Variants in BMPR2 observed in about 807,000 individuals in gnomAD.
BMPR2 encodes the protein bone morphogenetic protein receptor type 2.
A neutral mutation model predicts 100.8 loss-of-function variants in BMPR2; 29 were observed. That is an observed-to-expected ratio of 0.29 (90% CI 0.21 to 0.39). The LOEUF is 0.39. Among genes scored for constraint, BMPR2 ranks in the 10% least tolerant of loss-of-function variants. The pLI, the probability that BMPR2 is intolerant of heterozygous loss-of-function variation, is 1.00. For synonymous variants in BMPR2, 382 were observed against 442.3 expected (o/e 0.86, Z 1.71); for missense variants, 1,011 against 1,274.5 (o/e 0.79, Z 3.15).
At chr2:202,428,371 T>G (rs560621673) in intron 1 of BMPR2, among the ~76,000 whole-genome samples, 68 of 151,484 alleles carry the variant, frequency 4.5e-4, no homozygotes, top group African/African-American at 1.6e-3. Flanking sequence ...AGTCTGTCTC[T>G]CTCCTTCTGT....
intron 1 of BMPR2, among the ~76,000 whole-genome samples, chr2:202,404,027 A>C (rs1690827659): frequency 6.6e-6 from 1 of 151,292 alleles, no homozygotes; most frequent in Admixed American, 6.6e-5. Context: ...AAAAAGTGAG[A>C]TATTAAGGGC....
chr2:202,481,400 G>T (rs527964463), intron 3 of BMPR2, among the ~76,000 whole-genome samples: 33 of 152,214 alleles, frequency 2.2e-4, no homozygotes, highest in African/African-American at 7.7e-4. Flanking sequence ...GGCTGGTCTC[G>T]AACTCCTGAC....
chr2:202,444,465 A>G (rs1276863894), intron 1 of BMPR2, among the ~76,000 whole-genome samples: 1 of 150,870 alleles, frequency 6.6e-6, no homozygotes, highest in Admixed American at 6.6e-5. Flanking sequence ...TTCTAAAAAA[A>G]TAACAAAACC....
At chr2:202,403,576 G>A (rs1194039061) in intron 1 of BMPR2, among the ~76,000 whole-genome samples, 2 of 152,028 alleles carry the variant, frequency 1.3e-5, no homozygotes, top group Admixed American at 6.6e-5. Context: ...GAAAGTTAAC[G>A]TTTGACTCAT....
intron 10 of BMPR2, among the ~76,000 whole-genome samples, chr2:202,545,201 CTCCCGT>C (rs1165266260): frequency 3.0e-3 from 5 of 1,676 alleles, no homozygotes; most frequent in Non-Finnish European, 7.4e-3. Flanking sequence ...GTTTTTCTTC[CTCCCGT>C]CCCCCTCCCC....
At chr2:202,459,096 CTTCTT>C (rs991842497) in intron 1 of BMPR2, among the ~76,000 whole-genome samples, 72 of 152,208 alleles carry the variant, frequency 4.7e-4, no homozygotes, top group African/African-American at 1.7e-3. Context: ...AGTGCACTCT[CTTCTT>C]TTCTAAGGTT....
At chr2:202,486,220 A>T (rs556459106) in intron 3 of BMPR2, among the ~76,000 whole-genome samples, 124 of 152,364 alleles carry the variant, frequency 8.1e-4, no homozygotes, top group African/African-American at 2.8e-3. Flanking sequence ...AATGGAAGGC[A>T]TAATGTCATA....
At chr2:202,425,171 C>G (rs564489445) in intron 1 of BMPR2, among the ~76,000 whole-genome samples, 72 of 152,216 alleles carry the variant, frequency 4.7e-4, no homozygotes, top group Non-Finnish European at 8.5e-4. Flanking sequence ...GCCTCACCCT[C>G]CCAAAGTGCT....
chr2:202,437,974 A>G (rs747105592), intron 1 of BMPR2, among the ~76,000 whole-genome samples: 1 of 150,310 alleles, frequency 6.7e-6, no homozygotes, highest in Non-Finnish European at 1.5e-5. Context: ...TATCTCTTGC[A>G]TATACCCAAG....
Position 202,504,610 on chromosome 2 carries a change from C to T in BMPR2, c.419-9109C>T, listed in dbSNP as rs933576209. ...AGTGAGACCAAGAACCCACCAATTC[C>T]GGACACACTACCAATAAAAGGAAGA... On this transcript the variant is annotated intron_variant, in intron 3 of 12. Coordinates refer to ENST00000374580, the MANE Select transcript of BMPR2 (RefSeq NM_001204.7). Among the ~76,000 whole-genome samples the T allele has an allele frequency of 1.4e-4, 22 of 151,972 alleles. No homozygotes were observed. The East Asian group carries it at 1.7e-3, about 12-fold the overall frequency.
rs1056181342 is a variant in BMPR2, at chr2:202,495,900, A to C, written c.419-17819A>C. On this transcript the variant is annotated intron_variant, in intron 3 of 12. Coordinates refer to ENST00000374580, the MANE Select transcript of BMPR2 (RefSeq NM_001204.7). The surrounding 1 kb of genome is among the most constrained non-coding windows in gnomAD (Gnocchi z 4.5). The stretch of plus-strand genomic sequence containing the variant: ...TGCTGAGCCTTCAAAAAACTGTATG[A>C]GAAGACTCATTATACAGAGTTTTGG... Among the ~76,000 whole-genome samples the C allele has an allele frequency of 4.6e-5, 7 of 152,224 alleles. No individual in the cohort carries two copies. The highest frequency in any genetic ancestry group is 1.7e-4 in the African/African-American group (7 of 41,458).
rs1423055589 is a variant in BMPR2, at chr2:202,495,328, G to A, written c.419-18391G>A. On this transcript the variant is annotated intron_variant, in intron 3 of 12. Coordinates refer to ENST00000374580, the MANE Select transcript of BMPR2 (RefSeq NM_001204.7). The surrounding 1 kb of genome is among the most constrained non-coding windows in gnomAD (Gnocchi z 4.5). ...GATGGTTTTCTCCTGGAGTTGGGCC[G>A]CTTGGTGGCCAGGGCTCTCCTCCGT... 2.0e-5 allele frequency among the ~76,000 whole-genome samples: 3 copies of A among 152,190 alleles called. No homozygotes were observed. The highest frequency in any genetic ancestry group is 6.5e-5 in the Admixed American group (1 of 15,284).
chr2:202,538,141 A>T (rs1176348116), intron 9 of BMPR2, among the ~76,000 whole-genome samples: 1 of 151,816 alleles, frequency 6.6e-6, no homozygotes, highest in African/African-American at 2.4e-5. Context: ...AAAGAATGGG[A>T]TTCAAAGGAA....
Position 202,467,706 on chromosome 2 carries a change from A to G in BMPR2, c.418+17A>G, listed in dbSNP as rs375136461. On this transcript the variant is annotated intron_variant, in intron 3 of 12. Transcript: ENST00000374580. ...CACCACTCAGTAAGTAAAGTAACCAACTTTTCTTTGTATTTCCTTTCTCCA... is the reference window on the plus strand; with the variant it reads ...CACCACTCAGTAAGTAAAGTAACCAGCTTTTCTTTGTATTTCCTTTCTCCA... The G allele has an allele frequency of 2.4e-5, 38 of 1,597,820 alleles. No homozygotes were observed. The African/African-American group carries it at 4.7e-4, about 20-fold the overall frequency.
chr2:202,537,490 A>T (rs946146274), intron 9 of BMPR2, among the ~76,000 whole-genome samples: 8 of 152,236 alleles, frequency 5.3e-5, no homozygotes, highest in Non-Finnish European at 1.2e-4. Flanking sequence ...AAATAGAAAT[A>T]GAACTAGAAG....
intron 1 of BMPR2, among the ~76,000 whole-genome samples, chr2:202,423,141 G>A (rs952000105): frequency 6.6e-6 from 1 of 151,950 alleles, no homozygotes; most frequent in Non-Finnish European, 1.5e-5. Context: ...CACCCTCCTC[G>A]CCCACCCAGA....
intron 3 of BMPR2, among the ~76,000 whole-genome samples, chr2:202,477,397 A>G (rs991147860): frequency 6.6e-6 from 1 of 151,580 alleles, no homozygotes; most frequent in African/African-American, 2.4e-5. Context: ...AATTTGAAGG[A>G]TTGTTATTGA....
At position 202,567,364 on chromosome 2, in the gene BMPR2, T is replaced by A. The variant is rs1218216427; in HGVS notation, c.*7418T>A. On this transcript the variant is annotated 3_prime_UTR_variant, in exon 13 of 13. Transcript: ENST00000374580. ...TTTCTTGTTAACGGGTATCTTTTGT[T>A]GGTGTGTTTTGCTCTTACATTACAG... 1 of 152,664 alleles carries A rather than the reference T, an allele frequency of 6.6e-6. No homozygotes were observed. The highest frequency in any genetic ancestry group is 1.5e-5 in the Non-Finnish European group (1 of 68,032). The allele number at this position is 152,664 out of a possible 1,614,324, so 9.5% of individuals were successfully genotyped here. A position where few individuals can be genotyped will look rare whatever the true frequency, so the allele number is the denominator to read the frequency against.
chr2:202,518,770 T>C (rs1687764996), intron 5 of BMPR2, 52 bp from the exon 6 acceptor site: 1 of 1,398,036 alleles, frequency 7.2e-7, no homozygotes, highest in Middle Eastern at 1.8e-4. Flanking sequence ...TTTAGTAAAT[T>C]TGATTGTTCA....
Sources: allele counts gnomAD v4.1 joint callset (sites outside exome capture counted in the v4.1 genomes callset), GRCh38; gene constraint gnomAD v4.1.1; non-coding constraint Gnocchi (gnomAD v3.1); transcripts MANE v1.5; gene names NCBI Gene and HGNC (gene_info 2026-07-23, HGNC 2026-07-21).